The following PPP1R9A variants were observed in gnomAD, a reference collection of about 807,000 sequenced individuals.
PPP1R9A encodes protein phosphatase 1 regulatory subunit 9A.
PPP1R9A carries 59 observed loss-of-function variants against 141.9 expected under a neutral mutation model. The ratio of observed to expected loss-of-function variants is 0.42; its 90% confidence interval spans 0.34 to 0.52. The LOEUF (loss-of-function observed/expected upper bound fraction) is 0.52, where lower values mean the gene tolerates loss of function less well. PPP1R9A is among the 20% of genes least tolerant of loss of function. The probability of loss-of-function intolerance (pLI) is 0.10; values close to 1 mark genes in which losing one functional copy is unlikely to be tolerated. For synonymous variants in PPP1R9A, 500 were observed against 569.7 expected, an observed-to-expected ratio of 0.88 and a Z score of 1.74; for missense variants, 1,444 against 1,611.9, an observed-to-expected ratio of 0.90 and a Z score of 1.78.
At chr7:94,995,762 C>T (rs570399745) in intron 2 of PPP1R9A, among the ~76,000 whole-genome samples, 1 of 152,034 alleles carries the variant, frequency 6.6e-6, no homozygotes, top group Non-Finnish European at 1.5e-5. Context: ...CCATTGTGTC[C>T]ATTCTATATT....
At chr7:95,007,804 G>T (rs1393083439) in intron 2 of PPP1R9A, among the ~76,000 whole-genome samples, 8 of 152,180 alleles carry the variant, frequency 5.3e-5, no homozygotes, top group African/African-American at 1.9e-4. Flanking sequence ...AGGCGTGGTG[G>T]CTCACGCCTG....
chr7:95,124,581 AC>A (rs1174183459), intron 4 of PPP1R9A, among the ~76,000 whole-genome samples: 4 of 152,158 alleles, frequency 2.6e-5, no homozygotes, highest in Admixed American at 2.0e-4. Context: ...CGAGGAAATT[AC>A]TTGTCAGACC....
In PPP1R9A at chr7:95,111,395, C is replaced by T. The variant is rs369857878; in HGVS notation, c.1528+4C>T. 7.8e-5 allele frequency: 126 copies of T among 1,612,356 alleles called. No individual in the cohort carries two copies. Among genetic ancestry groups the T allele is most frequent in the Middle Eastern group, 1.6e-4 (1 of 6,082 alleles). On this transcript the variant is annotated splice_donor_region_variant and intron_variant, in intron 3 of 19. Coordinates refer to ENST00000433360, the MANE Select transcript of PPP1R9A (RefSeq NM_001166160.2). Reference sequence around the variant, plus strand: ...TTCCCAGTGGAGCTAGAGAAAGGTTCGTGAGTGCTACAGTGTTAATATCAT... The same window carrying T: ...TTCCCAGTGGAGCTAGAGAAAGGTTTGTGAGTGCTACAGTGTTAATATCAT...
intron 10 of PPP1R9A, among the ~76,000 whole-genome samples, chr7:95,250,645 C>A (rs1798752055): frequency 6.6e-6 from 1 of 152,168 alleles, no homozygotes; most frequent in Non-Finnish European, 1.5e-5. Flanking sequence ...CAGCTGGGGC[C>A]TGAATCAGGC....
rs143167942 is a variant in PPP1R9A, at chr7:95,020,302, A to G, written c.1396-90957A>G. On this transcript the variant is annotated intron_variant, in intron 2 of 19. Coordinates refer to ENST00000433360, the MANE Select transcript of PPP1R9A (RefSeq NM_001166160.2). ...TTTCATGGGAATATATAGGTCAGAA[A>G]TCATCAAATTGTACAGTTTACATAT... 2.7e-3 allele frequency among the ~76,000 whole-genome samples: 413 copies of G among 152,282 alleles called. 3 individuals carry two copies. Among genetic ancestry groups the G allele is most frequent in the African/African-American group, 9.5e-3 (394 of 41,556 alleles).
intron 2 of PPP1R9A, among the ~76,000 whole-genome samples, chr7:95,077,407 C>A (rs1815023227): frequency 1.3e-5 from 2 of 151,842 alleles, no homozygotes; most frequent in South Asian, 4.2e-4. Flanking sequence ...CCTTGACTTC[C>A]CCCTCATCTT....
intron 2 of PPP1R9A, among the ~76,000 whole-genome samples, chr7:95,046,080 CTT>C (rs35583144): frequency 9.0e-4 from 113 of 124,866 alleles, no homozygotes; most frequent in Non-Finnish European, 1.4e-3. Context: ...TATTTCTTTT[CTT>C]TTTTTTTTTT....
intron 2 of PPP1R9A, among the ~76,000 whole-genome samples, chr7:94,954,057 T>A (rs1250136640): frequency 6.6e-6 from 1 of 152,132 alleles, no homozygotes; most frequent in Non-Finnish European, 1.5e-5. Context: ...AGGGAATGCT[T>A]CCAGTTTTGG....
intron 2 of PPP1R9A, among the ~76,000 whole-genome samples, chr7:94,950,060 TA>T (rs768735286): frequency 5.3e-5 from 8 of 152,126 alleles, no homozygotes; most frequent in Non-Finnish European, 1.2e-4. Flanking sequence ...AGGTGAATTA[TA>T]TCTATTGCAC....
intron 2 of PPP1R9A, among the ~76,000 whole-genome samples, chr7:95,010,935 G>T (rs77889888): frequency 7.2e-5 from 11 of 152,122 alleles, no homozygotes; most frequent in Non-Finnish European, 1.5e-4. Flanking sequence ...CACTGATGTT[G>T]GTATTGCACG....
intron 4 of PPP1R9A, among the ~76,000 whole-genome samples, chr7:95,147,558 T>A (rs150240348): frequency 0.01 from 1,586 of 152,232 alleles, 24 homozygotes; most frequent in African/African-American, 0.037. Flanking sequence ...GAGAGAGGGC[T>A]TCCTTGTCTT....
chr7:95,181,579 TCA>T (rs1833825353), intron 5 of PPP1R9A, among the ~76,000 whole-genome samples: 1 of 138,792 alleles, frequency 7.2e-6, no homozygotes, highest in Non-Finnish European at 1.5e-5. Context: ...ATATATTCCA[TCA>T]CATATATATA....
intron 2 of PPP1R9A, among the ~76,000 whole-genome samples, chr7:94,917,490 C>T (rs1792231099): frequency 6.6e-6 from 1 of 152,016 alleles, no homozygotes; most frequent in East Asian, 1.9e-4. Flanking sequence ...CACTGCAGCC[C>T]TGACCTCTGG....
At chr7:94,989,657 T>C (rs1238859976) in intron 2 of PPP1R9A, among the ~76,000 whole-genome samples, 1 of 152,100 alleles carries the variant, frequency 6.6e-6, no homozygotes, top group Non-Finnish European at 1.5e-5. Flanking sequence ...TTTACCAAAC[T>C]CCTCAGGTGA....
intron 2 of PPP1R9A, among the ~76,000 whole-genome samples, chr7:95,044,199 C>G (rs1809657394): frequency 6.6e-6 from 1 of 152,174 alleles, no homozygotes; most frequent in African/African-American, 2.4e-5. Flanking sequence ...TCCCTCTTGC[C>G]TCAGATCTTG....
At chr7:94,957,367 G>A (rs1283820451) in intron 2 of PPP1R9A, among the ~76,000 whole-genome samples, 1 of 152,094 alleles carries the variant, frequency 6.6e-6, no homozygotes, top group African/African-American at 2.4e-5. Flanking sequence ...TAAGATTATT[G>A]ACAACATTCT....
chr7:95,116,806 A>C (rs559287356), intron 3 of PPP1R9A, among the ~76,000 whole-genome samples: 96 of 152,342 alleles, frequency 6.3e-4, no homozygotes, highest in African/African-American at 2.2e-3. Context: ...ATTGTATTCA[A>C]ATGGCAATTG....
At chr7:95,106,909 G>T (rs1819602931) in intron 2 of PPP1R9A, among the ~76,000 whole-genome samples, 1 of 151,704 alleles carries the variant, frequency 6.6e-6, no homozygotes, top group South Asian at 2.1e-4. Context: ...AAGCAATTCT[G>T]CCACAGCCTC....
intron 2 of PPP1R9A, among the ~76,000 whole-genome samples, chr7:95,020,187 C>G (rs1211233863): frequency 6.6e-6 from 1 of 151,926 alleles, no homozygotes; most frequent in African/African-American, 2.4e-5. Context: ...TGACATAAAG[C>G]AGATCAATGT....
Sources: allele counts gnomAD v4.1 joint callset (sites outside exome capture counted in the v4.1 genomes callset), GRCh38; gene constraint gnomAD v4.1.1; transcripts MANE v1.5; gene names NCBI Gene and HGNC (gene_info 2026-07-23, HGNC 2026-07-21).